PCDH9: variants seen among roughly 807,000 people sequenced by gnomAD.
PCDH9 encodes the protein protocadherin 9, also known as protocadherin-9.
Under a neutral mutation model 70.6 loss-of-function variants are expected in PCDH9, and 24 were observed. The observed-to-expected ratio is 0.34, with a 90% CI of 0.25 to 0.48. The LOEUF (loss-of-function observed/expected upper bound fraction) is 0.48, where lower values mean the gene tolerates loss of function less well. Ranked by LOEUF, PCDH9 falls within the 20% of genes least tolerant of loss-of-function variation. The probability of loss-of-function intolerance (pLI) is 0.99; values close to 1 mark genes in which losing one functional copy is unlikely to be tolerated. For missense variants in PCDH9, 1,281 were observed against 1,503.6 expected (o/e 0.85, Z 2.45); for synonymous variants, 562 against 558.5 (o/e 1.01, Z -0.09).
At chr13:66,918,393 G>A (rs1406821626) in intron 2 of PCDH9, among the ~76,000 whole-genome samples, 1 of 151,278 alleles carries the variant, frequency 6.6e-6, no homozygotes, top group Non-Finnish European at 1.5e-5. Context: ...AACCAGAAGT[G>A]TGTTCAACAT....
chr13:66,433,640 T>C (rs1007416279), intron 4 of PCDH9, among the ~76,000 whole-genome samples: 1 of 151,788 alleles, frequency 6.6e-6, no homozygotes, highest in Non-Finnish European at 1.5e-5. Flanking sequence ...TGCAATGTAT[T>C]ATAATATTAT....
intron 4 of PCDH9, among the ~76,000 whole-genome samples, chr13:66,380,536 CTTTTTTTT>C (rs59830525): frequency 3.7e-5 from 2 of 53,358 alleles, no homozygotes; most frequent in Non-Finnish European, 7.0e-5. Flanking sequence ...AGATCTTGTC[CTTTTTTTT>C]TTTTTTTTTT....
At chr13:66,597,833 T>G (rs1235330846) in intron 4 of PCDH9, among the ~76,000 whole-genome samples, 1 of 151,722 alleles carries the variant, frequency 6.6e-6, no homozygotes, top group African/African-American at 2.4e-5. Context: ...ACCATATATC[T>G]GATAAGAGAT....
intron 2 of PCDH9, among the ~76,000 whole-genome samples, chr13:67,093,775 A>C (rs1294640953): frequency 6.6e-6 from 1 of 152,170 alleles, no homozygotes; most frequent in Non-Finnish European, 1.5e-5. Flanking sequence ...GACCTTGAGA[A>C]TGTAGTGTTA....
At chr13:66,746,081 TC>T (rs1380024469) in intron 3 of PCDH9, among the ~76,000 whole-genome samples, 1 of 152,206 alleles carries the variant, frequency 6.6e-6, no homozygotes, top group Non-Finnish European at 1.5e-5. Flanking sequence ...TTTTTTAATT[TC>T]ACTCTCTCTC....
chr13:66,591,585 A>G (rs2077040392), intron 4 of PCDH9, among the ~76,000 whole-genome samples: 1 of 151,730 alleles, frequency 6.6e-6, no homozygotes, highest in African/African-American at 2.4e-5. Flanking sequence ...GCATGTAACA[A>G]GTAATGATCA....
At chr13:66,829,566 G>T (rs1376774940) in intron 3 of PCDH9, among the ~76,000 whole-genome samples, 2 of 151,374 alleles carry the variant, frequency 1.3e-5, no homozygotes, top group Non-Finnish European at 2.9e-5. Flanking sequence ...GAATTTTACT[G>T]TTTATAAATT....
chr13:66,749,116 C>T (rs2079418095), intron 3 of PCDH9, among the ~76,000 whole-genome samples: 1 of 152,188 alleles, frequency 6.6e-6, no homozygotes, highest in Non-Finnish European at 1.5e-5. Context: ...AACTGTGAGT[C>T]AAACTTCTTT....
intron 3 of PCDH9, among the ~76,000 whole-genome samples, chr13:66,804,166 T>G (rs2080374414): frequency 1.3e-5 from 2 of 152,218 alleles, no homozygotes; most frequent in African/African-American, 2.4e-5. Context: ...AATTCTCTCT[T>G]GCTCTTCCCC....
At chr13:66,990,496 A>T (rs948731414) in intron 2 of PCDH9, among the ~76,000 whole-genome samples, 1 of 150,842 alleles carries the variant, frequency 6.6e-6, no homozygotes, top group Non-Finnish European at 1.5e-5. Context: ...TTTATATGTA[A>T]AAGAATATAT....
chr13:67,152,322 A>T (rs898080856), intron 2 of PCDH9, among the ~76,000 whole-genome samples: 2 of 152,224 alleles, frequency 1.3e-5, no homozygotes, highest in Non-Finnish European at 2.9e-5. Flanking sequence ...CCAGAAATCC[A>T]CTTGTGCCTA....
chr13:67,182,012 T>G (rs116918239), intron 2 of PCDH9, among the ~76,000 whole-genome samples: 4,509 of 152,230 alleles, frequency 0.03, 129 homozygotes, highest in Admixed American at 0.088. Context: ...CCTCTCCTCC[T>G]GCCTCTGAAT....
At chr13:66,469,385 G>A (rs1394903756) in intron 4 of PCDH9, among the ~76,000 whole-genome samples, 1 of 150,760 alleles carries the variant, frequency 6.6e-6, no homozygotes, top group East Asian at 2.0e-4. Context: ...ATTATTGTAG[G>A]AAGTAAAGAA....
At chr13:66,629,026 T>C (rs1453519214) in intron 4 of PCDH9, among the ~76,000 whole-genome samples, 2 of 152,214 alleles carry the variant, frequency 1.3e-5, no homozygotes, top group Non-Finnish European at 2.9e-5. Flanking sequence ...TGTTCATTGG[T>C]TTCTGAAATC....
At chr13:67,169,086 C>T (rs1430583601) in intron 2 of PCDH9, among the ~76,000 whole-genome samples, 3 of 152,172 alleles carry the variant, frequency 2.0e-5, no homozygotes, top group East Asian at 3.9e-4. Context: ...ATATTATCCT[C>T]ACATTGTGAC....
chr13:66,687,203 A>C (rs547099402), intron 3 of PCDH9, among the ~76,000 whole-genome samples: 7 of 152,306 alleles, frequency 4.6e-5, no homozygotes, highest in Admixed American at 3.9e-4. Context: ...CAAGCTCAGA[A>C]ATACTAGGAA....
intron 4 of PCDH9, among the ~76,000 whole-genome samples, chr13:66,595,893 T>G (rs73194756): frequency 0.16 from 24,559 of 151,610 alleles, 2,173 homozygotes; most frequent in Middle Eastern, 0.22. Flanking sequence ...AGAGAAAGAC[T>G]ATGACCTTTC....
At chr13:66,369,008 G>A (rs990680561) in intron 4 of PCDH9, among the ~76,000 whole-genome samples, 3 of 152,106 alleles carry the variant, frequency 2.0e-5, no homozygotes, top group African/African-American at 7.2e-5. Flanking sequence ...GTGTGGAGAT[G>A]CAGCCAAGCC....
At chr13:66,464,711 G>A (rs1489308970) in intron 4 of PCDH9, among the ~76,000 whole-genome samples, 1 of 151,894 alleles carries the variant, frequency 6.6e-6, no homozygotes, top group Non-Finnish European at 1.5e-5. Context: ...GGGACTGCAA[G>A]TGGACTATTT....
Sources: allele counts gnomAD v4.1 joint callset (sites outside exome capture counted in the v4.1 genomes callset), GRCh38; gene constraint gnomAD v4.1.1; transcripts MANE v1.5; gene names NCBI Gene and HGNC (gene_info 2026-07-23, HGNC 2026-07-21).